Variants in ELFN1 observed in about 807,000 individuals in gnomAD.
ELFN1 encodes extracellular leucine rich repeat and fibronectin type III domain containing 1.
In ELFN1, 6 loss-of-function variants were observed where a neutral mutation model predicts 7.6. The ratio of observed to expected loss-of-function variants is 0.79; its 90% CI spans 0.43 to 1.56. ELFN1 has a LOEUF of 1.56. Among genes scored for constraint, ELFN1 ranks in the 40% most tolerant of loss-of-function variants. The probability of loss-of-function intolerance (pLI) is 0.01; values close to 1 mark genes in which losing one functional copy is unlikely to be tolerated. For missense variants in ELFN1, 1,169 were observed against 1,232.2 expected (o/e 0.95, Z 0.77); for synonymous variants, 657 against 588.1 (o/e 1.12, Z -1.70).
chr7:1,723,569 C>T (rs1463839437), intron 3 of ELFN1, among the ~76,000 whole-genome samples: 2 of 152,232 alleles, frequency 1.3e-5, no homozygotes, highest in Non-Finnish European at 2.9e-5. Context: ...CTCTCATGGA[C>T]ATCTGGTGTC....
In ELFN1 at chr7:1,730,272, A is replaced by T. The variant is rs1780300052; in HGVS notation, c.-293-14032A>T. ...ACTTTCCGGAACACATCCACTGGGGAGGGGGGCCAAGCCTACAGAGCCAGG... is the reference window on the plus strand; with the variant it reads ...ACTTTCCGGAACACATCCACTGGGGTGGGGGGCCAAGCCTACAGAGCCAGG... On this transcript the variant is annotated intron_variant, in intron 3 of 3. Transcript: ENST00000424383. 2.0e-5 allele frequency among the ~76,000 whole-genome samples: 3 copies of T among 152,328 alleles called. No individual in the cohort carries two copies. The South Asian group carries it at 6.2e-4, about 32-fold the overall frequency.
intron 3 of ELFN1, among the ~76,000 whole-genome samples, chr7:1,716,904 G>A (rs1245660308): frequency 6.6e-6 from 1 of 152,180 alleles, no homozygotes; most frequent in Non-Finnish European, 1.5e-5. Context: ...AGGGGCCAGG[G>A]CGCAGGCAGC....
upstream of ELFN1, among the ~76,000 whole-genome samples, chr7:1,666,859 C>T (rs1778679476): frequency 6.6e-6 from 1 of 151,854 alleles, no homozygotes; most frequent in Non-Finnish European, 1.5e-5. The surrounding 1 kb of genome is among the most constrained non-coding windows in gnomAD (Gnocchi z 7.9). Flanking sequence ...GGGACCCCCG[C>T]CCCCACCCCA....
intron 3 of ELFN1, among the ~76,000 whole-genome samples, chr7:1,733,389 G>T (rs1049178805): frequency 4.6e-5 from 7 of 152,156 alleles, no homozygotes; most frequent in Non-Finnish European, 7.3e-5. Flanking sequence ...GCTGATGGGC[G>T]TGGGGACAGC....
chr7:1,723,390 G>A lies in ELFN1; in HGVS notation c.-294+14138G>A, dbSNP rs573127834. Among the ~76,000 whole-genome samples, 10 of 152,294 alleles carry A rather than the reference G, an allele frequency of 6.6e-5. No homozygotes were observed. In the East Asian group the frequency reaches 1.7e-3, roughly 26 times the overall value. On this transcript the variant is annotated intron_variant, in intron 3 of 3. Transcript: ENST00000424383. ...GTAATACGCTTTTGCAGGCTCTGAC[G>A]CTTTGGATATGGCGTGTGGTACAGC... is the stretch of plus-strand genomic sequence containing the variant.
chr7:1,693,528 G>T (rs866092506), intron 2 of ELFN1: 4 of 471,218 alleles, frequency 8.5e-6, no homozygotes, highest in South Asian at 6.2e-5. Context: ...CCCACTTCCT[G>T]GTGCAAGAAC....
At chr7:1,721,566 G>C (rs779938903) in intron 3 of ELFN1, among the ~76,000 whole-genome samples, 1 of 152,236 alleles carries the variant, frequency 6.6e-6, no homozygotes, top group Non-Finnish European at 1.5e-5. Context: ...CCATCAGCCT[G>C]TGAGATGAAG....
At chr7:1,696,392 CTTTTTTTT>C (rs964898176) in intron 2 of ELFN1, among the ~76,000 whole-genome samples, 1 of 137,250 alleles carries the variant, frequency 7.3e-6, no homozygotes, top group African/African-American at 2.7e-5. Context: ...TTCTTTCTTT[CTTTTTTTT>C]TTTTTTTTCC....
In ELFN1 at chr7:1,684,423, ATC is replaced by A. The variant is rs1384595054; in HGVS notation, c.-548-3631_-548-3630del. The stretch of plus-strand genomic sequence containing the variant: ...GATCATATTGCTGTCCAGTCTGACA[ATC>A]TCTGCTTTTTATTTGGTCTGTTTAG... On this transcript the variant is annotated intron_variant, in intron 1 of 3. Transcript: ENST00000424383. 3.3e-5 allele frequency among the ~76,000 whole-genome samples: 5 copies of A among 152,114 alleles called. No homozygotes were observed. In the South Asian group the frequency reaches 1.0e-3, roughly 32 times the overall value.
intron 3 of ELFN1, among the ~76,000 whole-genome samples, chr7:1,718,545 G>A (rs1779904289): frequency 6.6e-6 from 1 of 152,192 alleles, no homozygotes; most frequent in South Asian, 2.1e-4. Context: ...TGCAAAGGGT[G>A]CCCAGAGAGA....
intron 1 of ELFN1, among the ~76,000 whole-genome samples, chr7:1,672,089 T>G (rs1449436640): frequency 2.0e-5 from 3 of 152,060 alleles, no homozygotes; most frequent in Admixed American, 6.5e-5. Flanking sequence ...TGTGTGCGTA[T>G]AATTCAGGAT....
chr7:1,699,807 G>T (rs528033671), intron 2 of ELFN1, among the ~76,000 whole-genome samples: 1 of 152,092 alleles, frequency 6.6e-6, no homozygotes, highest in African/African-American at 2.4e-5. Flanking sequence ...AGGTTCAAGC[G>T]ATTCTCCTGC....
At chr7:1,667,874 G>T (rs891643482), upstream of ELFN1, among the ~76,000 whole-genome samples, 3 of 150,746 alleles carry the variant, frequency 2.0e-5, no homozygotes, top group Non-Finnish European at 4.4e-5. The surrounding 1 kb of genome is among the most constrained non-coding windows in gnomAD (Gnocchi z 8.2). Context: ...GTAACAGCAG[G>T]CCGCCAATCG....
Position 1,745,499 on chromosome 7 carries a change from G to C in ELFN1, c.903G>C (p.Thr301=). 6.5e-7 allele frequency: 1 copy of C among 1,544,302 alleles called. No homozygotes were observed. The highest frequency in any genetic ancestry group is 8.7e-7 in the Non-Finnish European group (1 of 1,146,802). ...AGTGCTTCTCCGGGGACGGCACCAC[G>C]CCACTGGTGGCCCTGCCCACGCTGG... ...DDECFSGDGT[T]PLVALPTLAT... The change falls in exon 4 of 4, where the codon ACG becomes ACC. Residue 301 remains threonine, a synonymous_variant. Coordinates refer to ENST00000424383, the MANE Select transcript of ELFN1 (RefSeq NM_001128636.4).
intron 3 of ELFN1, among the ~76,000 whole-genome samples, chr7:1,737,817 G>T (rs1006285786): frequency 2.6e-5 from 4 of 152,168 alleles, no homozygotes; most frequent in African/African-American, 9.7e-5. Flanking sequence ...GACAGGCCCA[G>T]AGCCGAGCAC....
chr7:1,713,194 C>G (rs903892842), intron 3 of ELFN1, among the ~76,000 whole-genome samples: 1 of 152,220 alleles, frequency 6.6e-6, no homozygotes, highest in Admixed American at 6.5e-5. Flanking sequence ...CGCTTCAGCC[C>G]CAGGCTGCAG....
At chr7:1,737,927 C>T (rs1031704638) in intron 3 of ELFN1, among the ~76,000 whole-genome samples, 2 of 152,188 alleles carry the variant, frequency 1.3e-5, no homozygotes, top group Non-Finnish European at 2.9e-5. Flanking sequence ...TAGGGTATGC[C>T]GGCCACCCCT....
rs376127209 is a variant in ELFN1 at position 1,673,022 on chromosome 7, C to T, written c.-549+2668C>T. ...GGTGATGAGGCCATAAATTTCCAGG[C>T]GTGAACCTGGAGCGGATGGTGGCAC... On this transcript the variant is annotated intron_variant, in intron 1 of 3. Coordinates refer to ENST00000424383, the MANE Select transcript of ELFN1 (RefSeq NM_001128636.4). The surrounding 1 kb of genome is among the most constrained non-coding windows in gnomAD (Gnocchi z 4.7). Among the ~76,000 whole-genome samples the T allele has an allele frequency of 4.6e-5, 7 of 152,190 alleles. No individual in the cohort carries two copies. Among genetic ancestry groups the T allele is most frequent in the Admixed American group, 1.3e-4 (2 of 15,286 alleles).
upstream of ELFN1, among the ~76,000 whole-genome samples, chr7:1,668,227 T>C (rs1376245405): frequency 2.0e-5 from 3 of 152,372 alleles, no homozygotes; most frequent in South Asian, 4.1e-4. Flanking sequence ...AAGGGCGCTC[T>C]GAAGAGGCCC....
Sources: gnomAD v4.1 joint callset for allele counts (sites outside exome capture counted in the v4.1 genomes callset) on GRCh38, gnomAD v4.1.1 for gene constraint, Gnocchi (gnomAD v3.1) non-coding constraint, MANE v1.5 for transcripts, NCBI Gene and HGNC (gene_info 2026-07-23, HGNC 2026-07-21) for gene names.